GSK3B: variants seen among roughly 807,000 people sequenced by gnomAD.
GSK3B encodes the protein glycogen synthase kinase-3 beta.
In GSK3B, 15 loss-of-function variants were observed where a neutral mutation model predicts 56.4. The observed-to-expected ratio is 0.27, with a 90% CI of 0.18 to 0.41. The LOEUF (loss-of-function observed/expected upper bound fraction) is 0.41, where lower values mean the gene tolerates loss of function less well. Ranked by LOEUF, GSK3B falls within the 10% of genes least tolerant of loss-of-function variation. The probability of loss-of-function intolerance (pLI) is 1.00; values close to 1 mark genes in which losing one functional copy is unlikely to be tolerated. For missense variants in GSK3B, 300 were observed against 513.4 expected, an observed-to-expected ratio of 0.58 and a Z score of 4.02; for synonymous variants, 181 against 188.9, an observed-to-expected ratio of 0.96 and a Z score of 0.34.
At chr3:119,872,260 G>A (rs1460920186) in intron 8 of GSK3B, among the ~76,000 whole-genome samples, 2 of 152,056 alleles carry the variant, frequency 1.3e-5, no homozygotes, top group Non-Finnish European at 2.9e-5. Context: ...GTTGGGAATA[G>A]GACAAATACT....
intron 6 of GSK3B, 66 bp from the exon 7 acceptor site, chr3:119,905,918 C>T (rs1315494209): frequency 6.7e-6 from 6 of 895,314 alleles, no homozygotes; most frequent in South Asian, 1.4e-5. Context: ...TGTTTGTATA[C>T]GTTTTCTAAT....
intron 1 of GSK3B, among the ~76,000 whole-genome samples, chr3:120,069,775 C>T (rs901385975): frequency 7.9e-5 from 12 of 152,150 alleles, no homozygotes; most frequent in Non-Finnish European, 1.5e-4. Flanking sequence ...ACCTACTAGG[C>T]CAACATTTCC....
At position 120,029,854 on chromosome 3, in the gene GSK3B, G is replaced by A. The variant is rs893561182; in HGVS notation, c.89-27615C>T. The A allele has an allele frequency of 3.6e-5, 20 of 551,112 alleles. No individual in the cohort carries two copies. The Admixed American group carries it at 3.8e-4, about 11-fold the overall frequency. The allele number at this position is 551,112 out of a possible 1,614,324, so 34.1% of individuals were successfully genotyped here. A position where few individuals can be genotyped will look rare whatever the true frequency, so the allele number is the denominator to read the frequency against. ...AGGACTAATGGCCCCCAAAAAAGGA[G>A]GTGGCTCTAAGTAAAACTGGGATTG... On this transcript the variant is annotated intron_variant, in intron 1 of 10. Coordinates refer to ENST00000264235, the MANE Select transcript of GSK3B (RefSeq NM_001146156.2).
chr3:119,852,085 A>T (rs139718758), intron 9 of GSK3B, among the ~76,000 whole-genome samples: 154 of 152,294 alleles, frequency 1.0e-3, no homozygotes, highest in Middle Eastern at 3.4e-3. Flanking sequence ...TAATTAGAAA[A>T]TCAGACAAAT....
chr3:119,985,126 G>A (rs139700847), intron 2 of GSK3B, among the ~76,000 whole-genome samples: 2,454 of 152,170 alleles, frequency 0.016, 64 homozygotes, highest in African/African-American at 0.056. Flanking sequence ...AAAGGCCTTC[G>A]ACAAAATTCA....
At chr3:119,908,059 G>T (rs1449934239) in intron 6 of GSK3B, among the ~76,000 whole-genome samples, 2 of 152,106 alleles carry the variant, frequency 1.3e-5, no homozygotes, top group African/African-American at 4.8e-5. Context: ...AAACATTACT[G>T]TTAAAAACAT....
At chr3:120,054,253 T>TA (rs1433386697) in intron 1 of GSK3B, among the ~76,000 whole-genome samples, 6 of 152,106 alleles carry the variant, frequency 3.9e-5, no homozygotes, top group African/African-American at 1.4e-4. Context: ...CCTAGAACAT[T>TA]AACACTTTCA....
chr3:120,089,370 T>G (rs1372786160), intron 1 of GSK3B, among the ~76,000 whole-genome samples: 1 of 152,196 alleles, frequency 6.6e-6, no homozygotes, highest in East Asian at 1.9e-4. Flanking sequence ...AAGTTCTGGT[T>G]TTCAGTCTCA....
chr3:119,872,901 T>C (rs1389993992), intron 8 of GSK3B, among the ~76,000 whole-genome samples: 1 of 152,168 alleles, frequency 6.6e-6, no homozygotes, highest in Admixed American at 6.6e-5. Flanking sequence ...CTGCACATAC[T>C]AAATGCAGAA....
At chr3:120,003,534 TC>T (rs2057697842) in intron 1 of GSK3B, among the ~76,000 whole-genome samples, 1 of 152,154 alleles carries the variant, frequency 6.6e-6, no homozygotes, top group African/African-American at 2.4e-5. Context: ...CATTACAATT[TC>T]CTTTCTAAAA....
At chr3:120,078,622 G>A (rs1196959274) in intron 1 of GSK3B, among the ~76,000 whole-genome samples, 1 of 149,780 alleles carries the variant, frequency 6.7e-6, no homozygotes, top group Non-Finnish European at 1.5e-5. Flanking sequence ...GCACGATCTC[G>A]GCTCACTACA....
chr3:120,047,800 T>C (rs2058115938), intron 1 of GSK3B, among the ~76,000 whole-genome samples: 1 of 152,186 alleles, frequency 6.6e-6, no homozygotes, highest in Non-Finnish European at 1.5e-5. Flanking sequence ...AGGGTATTTG[T>C]TGACTGGGAA....
chr3:119,828,509 AG>A (rs2055550390), intron 10 of GSK3B, among the ~76,000 whole-genome samples: 2 of 152,220 alleles, frequency 1.3e-5, no homozygotes, highest in Non-Finnish European at 2.9e-5. Context: ...TGACACCGAA[AG>A]GCAGACTCAG....
At chr3:120,005,566 C>G (rs758627072) in intron 1 of GSK3B, among the ~76,000 whole-genome samples, 2 of 152,184 alleles carry the variant, frequency 1.3e-5, no homozygotes, top group Non-Finnish European at 2.9e-5. Flanking sequence ...ATCAGACTAA[C>G]AGCAGATCTC....
intron 2 of GSK3B, among the ~76,000 whole-genome samples, chr3:119,967,805 TCTCC>T (rs1421251108): frequency 1.4e-5 from 2 of 143,202 alleles, no homozygotes; most frequent in African/African-American, 2.6e-5. Context: ...TCTCTCCCTC[TCTCC>T]CTCCCTCCCT....
chr3:120,029,799 G>C, intron 1 of GSK3B: 1 of 553,864 alleles, frequency 1.8e-6, no homozygotes. Flanking sequence ...GAAGAACAGG[G>C]AGCTTCTAGT....
intron 3 of GSK3B, among the ~76,000 whole-genome samples, chr3:119,936,463 C>T (rs1388030976): frequency 6.6e-6 from 1 of 150,942 alleles, no homozygotes; most frequent in South Asian, 2.1e-4. Flanking sequence ...TCTCCTGCCT[C>T]GGCCTCCTGA....
chr3:119,853,012 G>C (rs7641045), intron 9 of GSK3B, among the ~76,000 whole-genome samples: 67,409 of 152,102 alleles, frequency 0.44, 18,288 homozygotes, highest in Non-Finnish European at 0.6. Context: ...CCTATGTCCT[G>C]AATGGTATTG....
intron 2 of GSK3B, among the ~76,000 whole-genome samples, chr3:119,947,666 T>G (rs556878709): frequency 6.6e-6 from 1 of 152,208 alleles, no homozygotes; most frequent in South Asian, 2.1e-4. Flanking sequence ...TTTAAAAATT[T>G]CATCTTTCTA....
Sources: allele counts gnomAD v4.1 joint callset (sites outside exome capture counted in the v4.1 genomes callset), GRCh38; gene constraint gnomAD v4.1.1; transcripts MANE v1.5; gene names NCBI Gene and HGNC (gene_info 2026-07-23, HGNC 2026-07-21).